SPATA16: variants seen among roughly 807,000 people sequenced by gnomAD.
SPATA16 encodes spermatogenesis-associated protein 16.
In SPATA16, 36 loss-of-function variants were observed where a neutral mutation model predicts 63.3. The ratio of observed to expected loss-of-function variants is 0.57; its 90% CI spans 0.44 to 0.75. The LOEUF is 0.75. SPATA16 is among the 30% of genes least tolerant of loss of function. The pLI is 0.00. For synonymous variants in SPATA16, 203 were observed against 216.7 expected, an observed-to-expected ratio of 0.94 and a Z score of 0.56; for missense variants, 646 against 679.3, an observed-to-expected ratio of 0.95 and a Z score of 0.54.
intron 3 of SPATA16, among the ~76,000 whole-genome samples, chr3:173,027,423 T>C (rs1167889079): frequency 1.3e-5 from 2 of 152,056 alleles, no homozygotes; most frequent in African/African-American, 4.8e-5. Context: ...TGCCCTATTG[T>C]ACTGTTTATC....
At chr3:173,095,366 A>G (rs934082536) in intron 2 of SPATA16, among the ~76,000 whole-genome samples, 1 of 152,188 alleles carries the variant, frequency 6.6e-6, no homozygotes, top group Non-Finnish European at 1.5e-5. Flanking sequence ...TAATAAAAAA[A>G]CTATTAATTT....
At chr3:172,968,690 A>C (rs1014327401) in intron 5 of SPATA16, among the ~76,000 whole-genome samples, 3 of 152,306 alleles carry the variant, frequency 2.0e-5, no homozygotes, top group Admixed American at 2.0e-4. Context: ...CTATACAACC[A>C]GCAAATAATG....
At chr3:173,053,042 A>G (rs917743214) in intron 2 of SPATA16, among the ~76,000 whole-genome samples, 3 of 152,184 alleles carry the variant, frequency 2.0e-5, no homozygotes, top group African/African-American at 7.2e-5. Context: ...TGTTGTTTTG[A>G]TAAGAACCTA....
At chr3:173,016,330 C>T (rs548563999) in intron 4 of SPATA16, among the ~76,000 whole-genome samples, 3 of 152,314 alleles carry the variant, frequency 2.0e-5, no homozygotes, top group Non-Finnish European at 4.4e-5. Context: ...CCTCCAGCCT[C>T]TCTTGTTGAG....
intron 8 of SPATA16, among the ~76,000 whole-genome samples, chr3:172,919,537 C>T (rs947754250): frequency 2.0e-5 from 3 of 152,162 alleles, no homozygotes; most frequent in Admixed American, 6.6e-5. Context: ...AGAAACCTCT[C>T]TGAGACCAGG....
intron 6 of SPATA16, among the ~76,000 whole-genome samples, chr3:172,947,026 AAG>A (rs1733306859): frequency 6.6e-6 from 1 of 152,252 alleles, no homozygotes; most frequent in South Asian, 2.1e-4. Context: ...GGGGAAAGGA[AAG>A]AGAGAGAATT....
intron 9 of SPATA16, among the ~76,000 whole-genome samples, chr3:172,914,629 G>T (rs1441985238): frequency 6.6e-6 from 1 of 152,038 alleles, no homozygotes; most frequent in Non-Finnish European, 1.5e-5. Flanking sequence ...ACCCACACTT[G>T]TAAGTTGCAA....
chr3:173,107,379 A>C (rs1178687164), intron 2 of SPATA16, among the ~76,000 whole-genome samples: 8 of 152,080 alleles, frequency 5.3e-5, no homozygotes, highest in Non-Finnish European at 1.5e-5. Context: ...ATATGAATCC[A>C]GTGTTCTAGG....
chr3:172,970,037 C>T (rs1013069742), intron 5 of SPATA16, among the ~76,000 whole-genome samples: 1 of 152,122 alleles, frequency 6.6e-6, no homozygotes, highest in Non-Finnish European at 1.5e-5. Flanking sequence ...TTTGAGCCAA[C>T]ATATTTATTT....
rs779666438 is a variant in SPATA16 at position 173,048,961 on chromosome 3, T to G, written c.746A>C (p.Asn249Thr). ...TATATGATTTTACCTGTGTGCATGA[T>G]TCAGGGCAAGATCTGGTTTCCTCAT... The part of the protein sequence containing the change: ...LRMRKPDLAL[N>T]HAHRSIVLNP... Residue 249 changes from asparagine to threonine, a missense_variant, in exon 3 of 11, where the codon AAT (asparagine) becomes ACT (threonine). Coordinates refer to ENST00000351008, the MANE Select transcript of SPATA16 (RefSeq NM_031955.6). The G allele has an allele frequency of 8.1e-6, 13 of 1,613,660 alleles. No individual in the cohort carries two copies. In the Admixed American group the frequency reaches 2.2e-4, roughly 27 times the overall value.
At chr3:173,038,256 C>G (rs190764583) in intron 3 of SPATA16, among the ~76,000 whole-genome samples, 30 of 151,978 alleles carry the variant, frequency 2.0e-4, no homozygotes, top group Admixed American at 2.0e-3. Context: ...ATGTAATACC[C>G]TATATAGTGA....
At chr3:172,936,930 C>G (rs1322798758) in intron 6 of SPATA16, among the ~76,000 whole-genome samples, 1 of 152,072 alleles carries the variant, frequency 6.6e-6, no homozygotes, top group African/African-American at 2.4e-5. Flanking sequence ...AGGCTGGACT[C>G]AAACTCCTGA....
At chr3:173,061,869 C>T (rs1736388089) in intron 2 of SPATA16, among the ~76,000 whole-genome samples, 1 of 152,124 alleles carries the variant, frequency 6.6e-6, no homozygotes, top group African/African-American at 2.4e-5. Context: ...CATCAGTGGA[C>T]TTAAAAGTAC....
intron 2 of SPATA16, among the ~76,000 whole-genome samples, chr3:173,096,037 G>T (rs1737341542): frequency 6.6e-6 from 1 of 151,938 alleles, no homozygotes; most frequent in Admixed American, 6.6e-5. Flanking sequence ...CTATATAAAA[G>T]AAATAATGCT....
chr3:173,096,286 AT>A (rs945098194), intron 2 of SPATA16, among the ~76,000 whole-genome samples: 5 of 152,196 alleles, frequency 3.3e-5, no homozygotes, highest in African/African-American at 1.2e-4. Context: ...AGGGGAAGTC[AT>A]TTTCTACTAC....
chr3:173,116,389 C>T (rs1346162257), intron 2 of SPATA16, among the ~76,000 whole-genome samples: 1 of 152,098 alleles, frequency 6.6e-6, no homozygotes, highest in Non-Finnish European at 1.5e-5. Context: ...CAAAGCAAGG[C>T]CAATGGTGCA....
intron 5 of SPATA16, among the ~76,000 whole-genome samples, chr3:172,968,025 T>G (rs2108244653): frequency 6.6e-6 from 1 of 152,326 alleles, no homozygotes; most frequent in Non-Finnish European, 1.5e-5. Context: ...ACAAAACCGG[T>G]CCCTGGTACC....
chr3:173,073,830 C>T (rs1029156810), intron 2 of SPATA16, among the ~76,000 whole-genome samples: 8 of 152,162 alleles, frequency 5.3e-5, no homozygotes, highest in African/African-American at 1.7e-4. Context: ...CAGCTTGCAC[C>T]GTGCTCCTGG....
chr3:173,019,711 C>T lies in SPATA16; in HGVS notation c.759-136G>A, dbSNP rs1735275625. Reference sequence around the variant, plus strand: ...AAAGATACTAGTGAAAGGAGCCCTTCCCCGCCCCCCGTAATTGGCAATTAA... The same window carrying T: ...AAAGATACTAGTGAAAGGAGCCCTTTCCCGCCCCCCGTAATTGGCAATTAA... On this transcript the variant is annotated intron_variant, in intron 3 of 10. Coordinates refer to ENST00000351008, the MANE Select transcript of SPATA16 (RefSeq NM_031955.6). The T allele has an allele frequency of 4.0e-6, 3 of 752,260 alleles. No individual in the cohort carries two copies. In the East Asian group the frequency reaches 8.2e-5, roughly 20 times the overall value. 46.6% of individuals were successfully genotyped at this position (752,260 alleles called of 1,614,324 possible).
Sources: gnomAD v4.1 joint callset for allele counts (sites outside exome capture counted in the v4.1 genomes callset) on GRCh38, gnomAD v4.1.1 for gene constraint, MANE v1.5 for transcripts, NCBI Gene and HGNC (gene_info 2026-07-23, HGNC 2026-07-21) for gene names.